The following CADM2 variants were observed in gnomAD, a reference collection of about 807,000 sequenced individuals.
CADM2 encodes immunoglobulin superfamily member 4D.
CADM2 carries 12 observed loss-of-function variants against 49.8 expected under a neutral mutation model. The observed-to-expected ratio is 0.24, with a 90% CI of 0.15 to 0.39. The LOEUF (loss-of-function observed/expected upper bound fraction) is 0.39, where lower values mean the gene tolerates loss of function less well. Among genes scored for constraint, CADM2 ranks in the 10% least tolerant of loss-of-function variants. The pLI is 1.00. For missense variants in CADM2, 378 were observed against 492.3 expected, an observed-to-expected ratio of 0.77 and a Z score of 2.20; for synonymous variants, 214 against 175.4, an observed-to-expected ratio of 1.22 and a Z score of -1.74.
chr3:85,675,768 T>TACAAA (rs1381952268), intron 1 of CADM2, among the ~76,000 whole-genome samples: 1 of 152,220 alleles, frequency 6.6e-6, no homozygotes, highest in Admixed American at 6.5e-5. Flanking sequence ...TGTACTTTTG[T>TACAAA]GACAAAAGTG....
intron 1 of CADM2, among the ~76,000 whole-genome samples, chr3:85,023,892 A>C (rs534240496): frequency 6.6e-6 from 1 of 152,170 alleles, no homozygotes; most frequent in East Asian, 1.9e-4. Flanking sequence ...ATCAGAACAG[A>C]TCATTTATTA....
At chr3:85,522,063 C>G (rs770174128) in intron 1 of CADM2, among the ~76,000 whole-genome samples, 4 of 151,932 alleles carry the variant, frequency 2.6e-5, no homozygotes, top group African/African-American at 4.8e-5. Context: ...TTTTTGTTTC[C>G]TTTGTATTTT....
intron 7 of CADM2, among the ~76,000 whole-genome samples, chr3:85,939,643 G>A (rs1042865159): frequency 1.3e-5 from 2 of 151,558 alleles, no homozygotes; most frequent in South Asian, 2.1e-4. Context: ...AAAGTGATGC[G>A]ACATTTTCAG....
chr3:85,070,383 T>G (rs555327327), intron 1 of CADM2, among the ~76,000 whole-genome samples: 1 of 152,302 alleles, frequency 6.6e-6, no homozygotes, highest in Admixed American at 6.5e-5. Flanking sequence ...CATATCAAAT[T>G]ATTCTTATAG....
At chr3:85,959,720 A>G (rs527329865) in intron 7 of CADM2, among the ~76,000 whole-genome samples, 1 of 152,030 alleles carries the variant, frequency 6.6e-6, no homozygotes, top group African/African-American at 2.4e-5. Flanking sequence ...TATACACTCA[A>G]ATACTTACCA....
chr3:85,907,768 G>A (rs76005963), intron 5 of CADM2, among the ~76,000 whole-genome samples: 2,576 of 152,076 alleles, frequency 0.017, 74 homozygotes, highest in African/African-American at 0.06. Context: ...AAAATTAGCT[G>A]AGTGTTTTGG....
chr3:85,909,164 A>T (rs2108471891), intron 5 of CADM2, among the ~76,000 whole-genome samples: 1 of 152,218 alleles, frequency 6.6e-6, no homozygotes, highest in Non-Finnish European at 1.5e-5. Flanking sequence ...GAAAACCCGA[A>T]TATATTCTCT....
chr3:85,030,090 G>A (rs766900213), intron 1 of CADM2, among the ~76,000 whole-genome samples: 6 of 152,136 alleles, frequency 3.9e-5, no homozygotes, highest in Admixed American at 2.6e-4. Flanking sequence ...TCCCCAGGAC[G>A]TAATCGTTTC....
At chr3:85,853,760 T>A (rs1288709368) in intron 3 of CADM2, among the ~76,000 whole-genome samples, 2 of 151,674 alleles carry the variant, frequency 1.3e-5, no homozygotes, top group African/African-American at 2.4e-5. Flanking sequence ...TAATAGAAAA[T>A]TTAAAAAGAA....
rs1559804784 is a variant in CADM2, at chr3:85,370,260, A to AATAAT, written c.62-356260_62-356259insAATAT. 7.6e-5 allele frequency among the ~76,000 whole-genome samples: 8 copies of AATAAT among 105,584 alleles called. No individual in the cohort carries two copies. The South Asian group carries it at 1.0e-3, about 13-fold the overall frequency. 69.3% of individuals were successfully genotyped at this position (105,584 alleles called of 152,430 possible). ...ATAATAATAATAATAATAATAATAAAATTTTAAAAAATAACTTGGTGTGGT... is the reference window on the plus strand; with the variant it reads ...ATAATAATAATAATAATAATAATAAAATAATATTTTAAAAAATAACTTGGTGTGGT... On this transcript the variant is annotated intron_variant, in intron 1 of 9. Transcript: ENST00000383699.
intron 1 of CADM2, among the ~76,000 whole-genome samples, chr3:85,159,744 A>AT (rs1355674371): frequency 1.3e-5 from 2 of 152,102 alleles, no homozygotes; most frequent in East Asian, 3.9e-4. Flanking sequence ...TCCATGACGA[A>AT]TTTTACAGAG....
intron 1 of CADM2, among the ~76,000 whole-genome samples, chr3:85,560,045 C>T (rs1175184417): frequency 2.0e-5 from 3 of 152,064 alleles, no homozygotes; most frequent in South Asian, 2.1e-4. Context: ...AGAATTAATT[C>T]GCCCCTCTTC....
chr3:85,758,138 A>C (rs2069204522), intron 2 of CADM2, among the ~76,000 whole-genome samples: 1 of 152,194 alleles, frequency 6.6e-6, no homozygotes, highest in Non-Finnish European at 1.5e-5. Context: ...TGGTGGTAGC[A>C]CAGAGTTCCG....
At chr3:85,322,745 C>T (rs1174730034) in intron 1 of CADM2, among the ~76,000 whole-genome samples, 4 of 152,154 alleles carry the variant, frequency 2.6e-5, no homozygotes, top group Admixed American at 6.6e-5. Flanking sequence ...AAAGGGCTCT[C>T]TCTGTGCCTA....
chr3:85,294,712 G>T (rs1317430254), intron 1 of CADM2, among the ~76,000 whole-genome samples: 3 of 150,966 alleles, frequency 2.0e-5, no homozygotes, highest in Non-Finnish European at 4.5e-5. Context: ...TTTAATAAAT[G>T]GTGCTGGGAA....
intron 1 of CADM2, among the ~76,000 whole-genome samples, chr3:85,011,179 T>TG (rs1269245151): frequency 6.6e-6 from 1 of 152,034 alleles, no homozygotes; most frequent in African/African-American, 2.4e-5. Flanking sequence ...ATGTCTTTTT[T>TG]TTGTTGTTAT....
chr3:85,420,422 A>G (rs1049823856), intron 1 of CADM2, among the ~76,000 whole-genome samples: 16 of 152,228 alleles, frequency 1.1e-4, no homozygotes, highest in Non-Finnish European at 1.8e-4. Flanking sequence ...GGACATAGGT[A>G]ACTTATGTAA....
chr3:85,807,239 C>T (rs1204732660), intron 3 of CADM2, among the ~76,000 whole-genome samples: 2 of 152,110 alleles, frequency 1.3e-5, no homozygotes, highest in African/African-American at 4.8e-5. Flanking sequence ...TAGCTCACAC[C>T]TGTAATCCCA....
intron 1 of CADM2, among the ~76,000 whole-genome samples, chr3:85,241,920 C>A (rs2042539398): frequency 6.6e-6 from 1 of 151,486 alleles, no homozygotes; most frequent in Non-Finnish European, 1.5e-5. Context: ...ACAATTCAGT[C>A]TTCTTTTCTA....
Sources: allele counts gnomAD v4.1 joint callset (sites outside exome capture counted in the v4.1 genomes callset), GRCh38; gene constraint gnomAD v4.1.1; transcripts MANE v1.5; gene names NCBI Gene and HGNC (gene_info 2026-07-23, HGNC 2026-07-21).